Variants in PLAG1 observed in about 807,000 individuals in gnomAD.
The protein encoded by PLAG1 is zinc finger protein PLAG1.
A neutral mutation model predicts 35.5 loss-of-function variants in PLAG1; 7 were observed. The ratio of observed to expected loss-of-function variants is 0.20; its 90% CI spans 0.11 to 0.37. The LOEUF is 0.37. Ranked by LOEUF, PLAG1 falls within the 10% of genes least tolerant of loss-of-function variation. The probability of loss-of-function intolerance (pLI) is 1.00; values close to 1 mark genes in which losing one functional copy is unlikely to be tolerated. For synonymous variants in PLAG1, 229 were observed against 225.4 expected (o/e 1.02, Z -0.14); for missense variants, 454 against 602.8 (o/e 0.75, Z 2.58).
At chr8:56,202,509 T>C (rs949683193) in intron 1 of PLAG1, among the ~76,000 whole-genome samples, 1 of 152,244 alleles carries the variant, frequency 6.6e-6, no homozygotes, top group African/African-American at 2.4e-5. Flanking sequence ...GTATTTTGGC[T>C]TCAATTAAAA....
intron 1 of PLAG1, among the ~76,000 whole-genome samples, chr8:56,193,419 C>T (rs980691960): frequency 2.6e-5 from 4 of 152,200 alleles, no homozygotes; most frequent in Non-Finnish European, 5.9e-5. Flanking sequence ...AGTAAACCTA[C>T]ATGTACATGT....
chr8:56,166,795 G>T lies in PLAG1; in HGVS notation c.951C>A (p.Cys317Ter). 6.2e-7 allele frequency: 1 copy of T among 1,613,888 alleles called. No homozygotes were observed. The highest frequency in any genetic ancestry group is 8.5e-7 in the Non-Finnish European group (1 of 1,179,800). ...GATGAACAGTGTCCATATCTATTGG[G>T]CATGTCATTCCCAAAGGTAAAGTTG... ...MITTLPLGMT[C>*]PIDMDTVHPS... The change falls in exon 5 of 5, where the codon TGC becomes TGA. Residue 317 changes from cysteine (C) to a stop codon, truncating the protein, a stop_gained. Transcript: ENST00000316981. LOFTEE classifies it high-confidence loss of function.
chr8:56,203,243 C>T (rs1812607346), intron 1 of PLAG1, among the ~76,000 whole-genome samples: 1 of 152,018 alleles, frequency 6.6e-6, no homozygotes, highest in Non-Finnish European at 1.5e-5. Context: ...GATTCAGATA[C>T]AAAAACAACT....
In PLAG1 at chr8:56,163,123, G is replaced by A; in HGVS notation, c.*3120C>T. 5.1e-6 allele frequency: 1 copy of A among 196,346 alleles called. No individual in the cohort carries two copies. Among genetic ancestry groups the A allele is most frequent in the Non-Finnish European group, 1.0e-5 (1 of 95,598 alleles). The allele number at this position is 196,346 out of a possible 1,614,324, so 12.2% of individuals were successfully genotyped here. A position where few individuals can be genotyped will look rare whatever the true frequency, so the allele number is the denominator to read the frequency against. On this transcript the variant is annotated 3_prime_UTR_variant, in exon 5 of 5. Transcript: ENST00000316981. ...ACTTCCGTGTTTGGTGACCTAACTT[G>A]TACATACATGTGGAAGTGAAACTGA...
chr8:56,168,318 T>A lies in PLAG1; in HGVS notation c.-49A>T. On this transcript the variant is annotated 5_prime_UTR_variant, in exon 4 of 5. Transcript: ENST00000316981. ...GTTGGACACTTGGGAACTGCCCAACTCCACTAAATGATATAGCTTTAGGTG... is the reference window on the plus strand; with the variant it reads ...GTTGGACACTTGGGAACTGCCCAACACCACTAAATGATATAGCTTTAGGTG... The A allele has an allele frequency of 1.3e-6, 2 of 1,542,078 alleles. No homozygotes were observed. The highest frequency in any genetic ancestry group is 1.8e-6 in the Non-Finnish European group (2 of 1,142,440).
intron 2 of PLAG1, among the ~76,000 whole-genome samples, chr8:56,172,599 A>C (rs1169897501): frequency 1.3e-5 from 2 of 152,178 alleles, no homozygotes; most frequent in Non-Finnish European, 2.9e-5. Context: ...ATCTCCCTGG[A>C]ATTCAATGAA....
At chr8:56,168,857 C>CT (rs544055341) in intron 3 of PLAG1, among the ~76,000 whole-genome samples, 319 of 152,288 alleles carry the variant, frequency 2.1e-3, no homozygotes, top group Non-Finnish European at 3.7e-3. Context: ...ACTGAAAACT[C>CT]TTTTAGGCAC....
In PLAG1 at chr8:56,166,420, C is replaced by T. The variant is rs1455550383; in HGVS notation, c.1326G>A (p.Met442Ile). 1 of 1,612,890 alleles carries T rather than the reference C, an allele frequency of 6.2e-7. No individual in the cohort carries two copies. Among genetic ancestry groups the T allele is most frequent in the Admixed American group, 1.7e-5 (1 of 59,838 alleles). ...AATGTGCTTCTTCCTGGGAATAGCT[C>T]ATTCCAAGGCTCCCCACTGATAGAG... ...YNPLSVGSLGMSYSQEEAHSS... is the reference protein window; with the variant it reads ...YNPLSVGSLGISYSQEEAHSS... Residue 442 changes from methionine to isoleucine, a missense_variant, in exon 5 of 5, where the codon ATG becomes ATA. Physicochemically the swap from Met to Ile is conservative, Grantham distance 10. Transcript: ENST00000316981.
intron 1 of PLAG1, among the ~76,000 whole-genome samples, chr8:56,180,304 G>A (rs983818596): frequency 6.6e-6 from 1 of 152,148 alleles, no homozygotes; most frequent in Non-Finnish European, 1.5e-5. Context: ...CTCCTAAGAC[G>A]AATATCTGAC....
rs187811646 is a variant in PLAG1 at position 56,182,938 on chromosome 8, G to A, written c.-321-3425C>T. On this transcript the variant is annotated intron_variant, in intron 1 of 4. Transcript: ENST00000316981. ...CTTAGGAGGGAGGTATGTTCATCCT[G>A]CTAAGTTTTTTGGTAGCAAAGGCAA... 2.6e-3 allele frequency among the ~76,000 whole-genome samples: 391 copies of A among 152,282 alleles called. 2 individuals are homozygous for A. Among genetic ancestry groups the A allele is most frequent in the African/African-American group, 8.9e-3 (371 of 41,558 alleles).
intron 1 of PLAG1, among the ~76,000 whole-genome samples, chr8:56,197,213 C>A (rs1384852332): frequency 6.6e-6 from 1 of 152,148 alleles, no homozygotes; most frequent in African/African-American, 2.4e-5. Context: ...CTCCCCAAAT[C>A]CTGGTGGGAC....
chr8:56,167,333 C>T lies in PLAG1; in HGVS notation c.413G>A (p.Arg138His), dbSNP rs1811390617. The change falls in exon 5 of 5, where the codon CGT (arginine) becomes CAT (histidine). Residue 138 changes from arginine (R) to histidine (H), a missense_variant. Transcript: ENST00000316981. The surrounding 1 kb of genome is among the most constrained non-coding windows in gnomAD (Gnocchi z 5.9). ...KNYNTKLGFK[R>H]HLALHAATSG... ...TGTTGCGGCATGCAAGGCCAAGTGACGTTTAAATCCAAGCTTGGTATTGTA... is the reference window on the plus strand; with the variant it reads ...TGTTGCGGCATGCAAGGCCAAGTGATGTTTAAATCCAAGCTTGGTATTGTA... 1.9e-6 allele frequency: 3 copies of T among 1,613,998 alleles called. No homozygotes were observed. The highest frequency in any genetic ancestry group is 2.5e-6 in the Non-Finnish European group (3 of 1,179,988).
chr8:56,174,081 C>T (rs948948280), intron 2 of PLAG1, among the ~76,000 whole-genome samples: 9 of 152,146 alleles, frequency 5.9e-5, no homozygotes, highest in Non-Finnish European at 1.0e-4. Context: ...AAAAGTCAAA[C>T]AGATTTTGCT....
rs559524753 is a variant in PLAG1 at position 56,166,338 on chromosome 8, T to C, written c.1408A>G (p.Ile470Val). Reference sequence around the variant, plus strand: ...AGTGAGTGCAGAGACCCAAGCCCTATAGTGTTTGCAGGATCCTGAAGATCC... The same window carrying C: ...AGTGAGTGCAGAGACCCAAGCCCTACAGTGTTTGCAGGATCCTGAAGATCC... ...TQDLQDPANTIGLGSLHSLSA... is the reference protein window; with the variant it reads ...TQDLQDPANTVGLGSLHSLSA... The change falls in exon 5 of 5, where the codon ATA (isoleucine) becomes GTA (valine). Residue 470 changes from isoleucine to valine, a missense_variant. Ile to Val is a conservative substitution (Grantham distance 29). Transcript: ENST00000316981. 1.8e-5 allele frequency: 29 copies of C among 1,613,704 alleles called. No individual in the cohort carries two copies. The East Asian group carries it at 5.1e-4, about 29-fold the overall frequency.
Position 56,161,379 on chromosome 8 carries a change from CT to C in PLAG1, c.*4863del. On this transcript the variant is annotated 3_prime_UTR_variant, in exon 5 of 5. Transcript: ENST00000316981. The stretch of plus-strand genomic sequence containing the variant: ...CATTTTTAGAGTACTAGTCCAAACA[CT>C]TTTTCATTAGCTAAAAATACAATTT... The C allele has an allele frequency of 4.6e-6, 1 of 216,684 alleles. No homozygotes were observed. Among genetic ancestry groups the C allele is most frequent in the Non-Finnish European group, 9.3e-6 (1 of 107,270 alleles). 13.4% of individuals were successfully genotyped at this position (216,684 alleles called of 1,614,324 possible). A position where few individuals can be genotyped will look rare whatever the true frequency, so the allele number is the denominator to read the frequency against.
At chr8:56,186,656 A>G (rs1156691729) in intron 1 of PLAG1, among the ~76,000 whole-genome samples, 2 of 150,794 alleles carry the variant, frequency 1.3e-5, no homozygotes, top group African/African-American at 4.9e-5. Flanking sequence ...TATAGGCGTG[A>G]GCCACCATGT....
intron 1 of PLAG1, among the ~76,000 whole-genome samples, chr8:56,199,695 A>T (rs1233576461): frequency 6.6e-6 from 1 of 151,326 alleles, no homozygotes; most frequent in African/African-American, 2.4e-5. Context: ...AGCTAGACCA[A>T]CCCTTCCTGG....
chr8:56,175,100 A>G (rs1278614003), intron 2 of PLAG1, among the ~76,000 whole-genome samples: 2 of 152,240 alleles, frequency 1.3e-5, no homozygotes, highest in African/African-American at 4.8e-5. Context: ...ATAAGCTAAT[A>G]GAACAGTATT....
Position 56,166,516 on chromosome 8 carries a change from G to C in PLAG1, c.1230C>G (p.Pro410=). Residue 410 remains proline, a synonymous_variant, in exon 5 of 5, where the codon CCC becomes CCG. Coordinates refer to ENST00000316981, the MANE Select transcript of PLAG1 (RefSeq NM_002655.3). The stretch of plus-strand genomic sequence containing the variant: ...AAAAATCCAATGCTGGTGTGTTTAG[G>C]GGGTCACTGATGGAGATAGAGCTTT... ...LSKSSISISD[P]LNTPALDFSQ... is the part of the protein sequence containing the mutation. 1 of 1,614,034 alleles carries C rather than the reference G, an allele frequency of 6.2e-7. No homozygotes were observed. Among genetic ancestry groups the C allele is most frequent in the South Asian group, 1.1e-5 (1 of 91,072 alleles).
Sources: gnomAD v4.1 joint callset for allele counts (sites outside exome capture counted in the v4.1 genomes callset) on GRCh38, gnomAD v4.1.1 for gene constraint, Gnocchi (gnomAD v3.1) non-coding constraint, MANE v1.5 for transcripts, NCBI Gene and HGNC (gene_info 2026-07-23, HGNC 2026-07-21) for gene names.